DENND1A: variants seen among roughly 807,000 people sequenced by gnomAD.
The protein encoded by DENND1A is DENN domain containing 1A, also known as DENN domain-containing protein 1A.
DENND1A carries 51 observed loss-of-function variants against 113.7 expected under a neutral mutation model. That is an observed-to-expected ratio of 0.45 (90% confidence interval 0.36 to 0.57). The LOEUF (loss-of-function observed/expected upper bound fraction) is 0.57. Ranked by LOEUF, DENND1A falls within the 20% of genes least tolerant of loss-of-function variation. The pLI is 0.00. For synonymous variants in DENND1A, 565 were observed against 570.8 expected (o/e 0.99, Z 0.14); for missense variants, 1,258 against 1,395.9 (o/e 0.90, Z 1.57).
chr9:123,591,170 T>G (rs1199732050), intron 11 of DENND1A, among the ~76,000 whole-genome samples: 1 of 152,214 alleles, frequency 6.6e-6, no homozygotes, highest in African/African-American at 2.4e-5. Context: ...AGCCTTACTT[T>G]CTAGAGTTGG....
At chr9:123,847,463 G>A (rs1282158614) in intron 2 of DENND1A, among the ~76,000 whole-genome samples, 1 of 152,016 alleles carries the variant, frequency 6.6e-6, no homozygotes, top group Non-Finnish European at 1.5e-5. Flanking sequence ...TAATGGAAAG[G>A]GACTTCAACA....
intron 13 of DENND1A, among the ~76,000 whole-genome samples, chr9:123,484,365 A>G (rs537905983): frequency 6.8e-4 from 103 of 152,282 alleles, no homozygotes; most frequent in Non-Finnish European, 1.0e-3. Context: ...GTGTTCAGAG[A>G]GTAAGCCGCC....
At chr9:123,921,076 T>G (rs1856161492) in intron 1 of DENND1A, among the ~76,000 whole-genome samples, 2 of 152,188 alleles carry the variant, frequency 1.3e-5, no homozygotes, top group South Asian at 4.1e-4. Context: ...AGCAAATACT[T>G]TGGTTTTTAA....
Position 123,444,779 on chromosome 9 carries a change from C to T in DENND1A, c.1357-4288G>A, listed in dbSNP as rs570422663. Among the ~76,000 whole-genome samples, 69 of 152,286 alleles carry T rather than the reference C, an allele frequency of 4.5e-4. No homozygotes were observed. In the Middle Eastern group the frequency reaches 0.01, roughly 23 times the overall value. ...TGTTCCTCTGATTTGCTGAGTTTTC[C>T]TCAATAAACATGAATTTTGTTTGAA... On this transcript the variant is annotated intron_variant, in intron 18 of 23. Coordinates refer to ENST00000394215, the MANE Select transcript of DENND1A (RefSeq NM_001352964.2).
At chr9:123,537,009 T>TCCC (rs2055838574) in intron 13 of DENND1A, among the ~76,000 whole-genome samples, 1 of 151,254 alleles carries the variant, frequency 6.6e-6, no homozygotes, top group Admixed American at 6.6e-5. Context: ...ATAAGAAAAA[T>TCCC]AAAAAGAGAC....
chr9:123,912,622 G>A (rs1054472702), intron 1 of DENND1A, among the ~76,000 whole-genome samples: 1 of 147,792 alleles, frequency 6.8e-6, no homozygotes, highest in Non-Finnish European at 1.5e-5. Flanking sequence ...GCCCACCCCC[G>A]CCAGAGTAGT....
chr9:123,901,345 G>A (rs1851592009), intron 1 of DENND1A, among the ~76,000 whole-genome samples: 1 of 152,154 alleles, frequency 6.6e-6, no homozygotes. Flanking sequence ...GATGTGAGAT[G>A]TCCCCAACAT....
intron 13 of DENND1A, among the ~76,000 whole-genome samples, chr9:123,514,084 GTGTGTGTGTGTGTA>G (rs886524743): frequency 1.3e-5 from 1 of 77,658 alleles, no homozygotes; most frequent in African/African-American, 3.1e-5. Context: ...GTGTGTGTGT[GTGTGTGTGTGTGTA>G]TGTGTGTGTG....
intron 17 of DENND1A, among the ~76,000 whole-genome samples, chr9:123,451,693 G>A (rs1343447542): frequency 6.6e-6 from 1 of 152,118 alleles, no homozygotes; most frequent in Non-Finnish European, 1.5e-5. Context: ...ACAGAGGCAG[G>A]GTGCAGCCAC....
At position 123,757,733 on chromosome 9, in the gene DENND1A, G is replaced by C. The variant is rs2070690358; in HGVS notation, c.272C>G (p.Ser91Ter). ...KQRFGFCRLS[S>*]GAKSCFCILS... The stretch of plus-strand genomic sequence containing the variant: ...GATACAGAAGCAGCTCTTCGCTCCT[G>C]AAGATAAGCGGCAGAACCCGAATCT... The change falls in exon 5 of 24, where the codon TCA becomes TGA. Residue 91 changes from serine (S) to a stop codon, truncating the protein, a stop_gained. Transcript: ENST00000394215. LOFTEE classifies it high-confidence loss of function. 1 of 1,614,016 alleles carries C rather than the reference G, an allele frequency of 6.2e-7. No individual in the cohort carries two copies. The highest frequency in any genetic ancestry group is 8.5e-7 in the Non-Finnish European group (1 of 1,179,988).
At chr9:123,457,677 C>CTTTT in intron 14 of DENND1A, 116 bp downstream of exon 14, 3 of 1,034,936 alleles carry the variant, frequency 2.9e-6, no homozygotes, top group Non-Finnish European at 4.2e-6. Flanking sequence ...CCCTGAGCCT[C>CTTTT]TTTTGCCTGG....
chr9:123,669,973 T>C (rs760277870), intron 7 of DENND1A, among the ~76,000 whole-genome samples: 10 of 152,214 alleles, frequency 6.6e-5, no homozygotes, highest in Non-Finnish European at 1.0e-4. Context: ...TTATCTCTTA[T>C]TAACTACACG....
intron 1 of DENND1A, among the ~76,000 whole-genome samples, chr9:123,916,120 T>A (rs938903037): frequency 6.6e-6 from 1 of 152,032 alleles, no homozygotes; most frequent in Non-Finnish European, 1.5e-5. Context: ...AATAAAAGAC[T>A]AGAAGCAACC....
intron 13 of DENND1A, among the ~76,000 whole-genome samples, chr9:123,468,585 C>T (rs921642457): frequency 6.6e-6 from 1 of 152,196 alleles, no homozygotes; most frequent in African/African-American, 2.4e-5. Flanking sequence ...CCTCAGCATC[C>T]CTCCCAGAGC....
intron 11 of DENND1A, among the ~76,000 whole-genome samples, chr9:123,602,720 G>A (rs559957579): frequency 1.1e-4 from 17 of 152,192 alleles, no homozygotes; most frequent in Non-Finnish European, 1.8e-4. Flanking sequence ...GCTGGAGTGC[G>A]GTGGCACAAT....
chr9:123,885,800 G>A (rs571059860), intron 1 of DENND1A, among the ~76,000 whole-genome samples: 1 of 151,812 alleles, frequency 6.6e-6, no homozygotes, highest in South Asian at 2.1e-4. Context: ...TTTTCTTTTC[G>A]AGATAGTCTC....
chr9:123,460,968 C>A (rs1358393359), intron 13 of DENND1A, among the ~76,000 whole-genome samples: 1 of 152,226 alleles, frequency 6.6e-6, no homozygotes, highest in East Asian at 1.9e-4. Context: ...CACACAAGGG[C>A]CCAATAGGGG....
At chr9:123,840,931 A>G (rs906290521) in intron 2 of DENND1A, among the ~76,000 whole-genome samples, 4 of 152,198 alleles carry the variant, frequency 2.6e-5, no homozygotes, top group African/African-American at 9.6e-5. Flanking sequence ...GCAAAATAGC[A>G]TGCAGAATGT....
At chr9:123,411,940 C>G (rs2044336703) in intron 19 of DENND1A, 111 bp from the exon 20 acceptor site, 1 of 646,958 alleles carries the variant, frequency 1.5e-6, no homozygotes, top group East Asian at 1.4e-4. Flanking sequence ...GCCAGAGGGC[C>G]AACCTCGACG....
Sources: gnomAD v4.1 joint callset for allele counts (sites outside exome capture counted in the v4.1 genomes callset) on GRCh38, gnomAD v4.1.1 for gene constraint, MANE v1.5 for transcripts, NCBI Gene and HGNC (gene_info 2026-07-23, HGNC 2026-07-21) for gene names.